VSTM2L: variants seen among roughly 807,000 people sequenced by gnomAD.
VSTM2L encodes V-set and transmembrane domain containing 2 like, also known as V-set and transmembrane domain-containing protein 2-like protein.
VSTM2L carries 9 observed loss-of-function variants against 19.9 expected under a neutral mutation model. The ratio of observed to expected loss-of-function variants is 0.45; its 90% CI spans 0.27 to 0.79. The LOEUF is 0.79. Among genes scored for constraint, VSTM2L ranks in the 30% least tolerant of loss-of-function variants. VSTM2L has a pLI of 0.15. For missense variants in VSTM2L, 286 were observed against 295.5 expected (o/e 0.97, Z 0.24); for synonymous variants, 127 against 133.8 (o/e 0.95, Z 0.35).
intron 1 of VSTM2L, among the ~76,000 whole-genome samples, chr20:37,921,714 A>G (rs1468325638): frequency 6.6e-6 from 1 of 151,396 alleles, no homozygotes; most frequent in Admixed American, 6.6e-5. Flanking sequence ...GGGAGAAGGG[A>G]GGGCCTCACT....
intron 1 of VSTM2L, among the ~76,000 whole-genome samples, chr20:37,925,519 CCGGGGCAGCTTGGGGTGGAGGT>C (rs2072874845): frequency 1.3e-5 from 2 of 152,156 alleles, no homozygotes; most frequent in Admixed American, 6.5e-5. Context: ...GCTTCTCCCT[CCGGGGCAGCTTGGGGTGGAGGT>C]CGGGACAGGC....
intron 3 of VSTM2L, among the ~76,000 whole-genome samples, chr20:37,935,213 C>T (rs996855560): frequency 6.6e-6 from 1 of 152,192 alleles, no homozygotes; most frequent in Non-Finnish European, 1.5e-5. Context: ...CATGAATGTG[C>T]AATTACCCCC....
In VSTM2L at chr20:37,934,345, G is replaced by A. The variant is rs140638163; in HGVS notation, c.342+756G>A. On this transcript the variant is annotated intron_variant, in intron 3 of 3. Coordinates refer to ENST00000373461, the MANE Select transcript of VSTM2L (RefSeq NM_080607.3). The stretch of plus-strand genomic sequence containing the variant: ...AGGAGGTGAACTGGGGAGAGAACAT[G>A]GAGTGGAGGGGACCTGCCCAGGGAC... Among the ~76,000 whole-genome samples the A allele has an allele frequency of 7.8e-4, 119 of 152,332 alleles. 2 individuals are homozygous for A. In the East Asian group the frequency reaches 0.019, roughly 25 times the overall value.
At position 37,924,368 on chromosome 20, in the gene VSTM2L, C is replaced by T. The variant is rs148906451; in HGVS notation, c.122-7267C>T. Among the ~76,000 whole-genome samples the T allele has an allele frequency of 9.7e-4, 148 of 152,168 alleles. 1 individual carries two copies. Among genetic ancestry groups the T allele is most frequent in the African/African-American group, 3.4e-3 (143 of 41,538 alleles). ...AGGAGTTTGAGACCAGCCTGGCCAA[C>T]ATGGTGAAACTCCATCTCTACTAAA... is the stretch of plus-strand genomic sequence containing the variant. On this transcript the variant is annotated intron_variant, in intron 1 of 3. Coordinates refer to ENST00000373461, the MANE Select transcript of VSTM2L (RefSeq NM_080607.3).
intron 1 of VSTM2L, among the ~76,000 whole-genome samples, chr20:37,929,382 G>T (rs2072896217): frequency 6.6e-6 from 1 of 152,186 alleles, no homozygotes; most frequent in Non-Finnish European, 1.5e-5. Context: ...GGCCCTGTCA[G>T]CCATCTGGAG....
At chr20:37,936,639 G>C (rs886371457) in intron 3 of VSTM2L, among the ~76,000 whole-genome samples, 1 of 152,188 alleles carries the variant, frequency 6.6e-6, no homozygotes, top group African/African-American at 2.4e-5. Context: ...GACTCTAAGA[G>C]TCGGCTGTGC....
chr20:37,903,326 G>A lies in VSTM2L; in HGVS notation c.-25G>A, dbSNP rs574594514. On this transcript the variant is annotated 5_prime_UTR_variant, in exon 1 of 4. Coordinates refer to ENST00000373461, the MANE Select transcript of VSTM2L (RefSeq NM_080607.3). Reference sequence around the variant, plus strand: ...CTCCGGGGCCCAGATGTGAGGCGGCGGCGCCCCCGGCCCGAGAGCGCACGA... The same window carrying A: ...CTCCGGGGCCCAGATGTGAGGCGGCAGCGCCCCCGGCCCGAGAGCGCACGA... 4 of 1,419,528 alleles carry A rather than the reference G, an allele frequency of 2.8e-6. No homozygotes were observed. The African/African-American group carries it at 6.0e-5, about 21-fold the overall frequency. The allele number at this position is 1,419,528 out of a possible 1,614,324, so 87.9% of individuals were successfully genotyped here. A position where few individuals can be genotyped will look rare whatever the true frequency, so the allele number is the denominator to read the frequency against.
At position 37,945,000 on chromosome 20, in the gene VSTM2L, T is replaced by C; in HGVS notation, c.*747T>C. ...ACCAGCAGGACCCCTTTGAGGGCCT[T>C]CAAGGCTCTCCCAGGAGTCCCCCTC... On this transcript the variant is annotated 3_prime_UTR_variant, in exon 4 of 4. Coordinates refer to ENST00000373461, the MANE Select transcript of VSTM2L (RefSeq NM_080607.3). The C allele has an allele frequency of 3.0e-6, 3 of 985,746 alleles. No individual in the cohort carries two copies. Among genetic ancestry groups the C allele is most frequent in the Non-Finnish European group, 3.6e-6 (3 of 829,958 alleles). The allele number at this position is 985,746 out of a possible 1,614,324, so 61.1% of individuals were successfully genotyped here.
Position 37,944,546 on chromosome 20 carries a change from C to A in VSTM2L, c.*293C>A. 5 of 1,183,990 alleles carry A rather than the reference C, an allele frequency of 4.2e-6. No individual in the cohort carries two copies. Among genetic ancestry groups the A allele is most frequent in the African/African-American group, 1.6e-5 (1 of 63,516 alleles). The allele number at this position is 1,183,990 out of a possible 1,614,324, so 73.3% of individuals were successfully genotyped here. A position where few individuals can be genotyped will look rare whatever the true frequency, so the allele number is the denominator to read the frequency against. ...ACCATGCTGGGGCCCGGGGCCACCCCCTTCCTGTCACCAGCTTCTGTGGAG... is the reference window on the plus strand; with the variant it reads ...ACCATGCTGGGGCCCGGGGCCACCCACTTCCTGTCACCAGCTTCTGTGGAG... On this transcript the variant is annotated 3_prime_UTR_variant, in exon 4 of 4. Transcript: ENST00000373461.
intron 1 of VSTM2L, among the ~76,000 whole-genome samples, chr20:37,912,968 C>A (rs912867181): frequency 3.3e-5 from 5 of 152,158 alleles, no homozygotes; most frequent in Non-Finnish European, 7.3e-5. Context: ...GATCCATCTT[C>A]CCCTCTCTTC....
intron 2 of VSTM2L, among the ~76,000 whole-genome samples, chr20:37,932,240 A>G (rs999302413): frequency 3.9e-5 from 6 of 152,144 alleles, no homozygotes; most frequent in Non-Finnish European, 7.4e-5. Context: ...GCACACACGC[A>G]TACGTGCACC....
At chr20:37,931,546 G>A in intron 1 of VSTM2L, 89 bp from the exon 2 acceptor site, 1 of 1,464,428 alleles carries the variant, frequency 6.8e-7, no homozygotes, top group Non-Finnish European at 9.3e-7. Flanking sequence ...GCCGTGCAGG[G>A]CCAGCTGTTC....
Position 37,931,730 on chromosome 20 carries a change from T to G in VSTM2L, c.217T>G (p.Ser73Ala). Residue 73 changes from serine to alanine, a missense_variant, in exon 2 of 4, where the codon TCG becomes GCG. Transcript: ENST00000373461. Reference sequence around the variant, plus strand: ...CCGCGGCAGCGGCTCCCCCTCCTACTCGCTGGAGATCCAGTGGTGGTATGT... The same window carrying G: ...CCGCGGCAGCGGCTCCCCCTCCTACGCGCTGGAGATCCAGTGGTGGTATGT... Reference protein sequence around the residue: ...SFRGSGSPSYSLEIQWWYVRS... With the variant: ...SFRGSGSPSYALEIQWWYVRS... The G allele has an allele frequency of 6.2e-7, 1 of 1,613,794 alleles. No homozygotes were observed. The highest frequency in any genetic ancestry group is 8.5e-7 in the Non-Finnish European group (1 of 1,180,002).
chr20:37,918,878 C>T (rs764147359), intron 1 of VSTM2L, among the ~76,000 whole-genome samples: 6 of 152,210 alleles, frequency 3.9e-5, no homozygotes, highest in Non-Finnish European at 7.3e-5. Flanking sequence ...GAACCTGCAC[C>T]TCCTTCCATA....
In VSTM2L at chr20:37,910,213, T is replaced by C. The variant is rs142619039; in HGVS notation, c.121+6742T>C. The stretch of plus-strand genomic sequence containing the variant: ...CATCAAAACTGTGATTTCACACATA[T>C]GATTGCTTAGGATGAGACTAATGGG... On this transcript the variant is annotated intron_variant, in intron 1 of 3. Transcript: ENST00000373461. 9.8e-5 allele frequency among the ~76,000 whole-genome samples: 15 copies of C among 152,354 alleles called. No individual in the cohort carries two copies. In the East Asian group the frequency reaches 2.9e-3, roughly 29 times the overall value.
chr20:37,943,946 G>T, intron 3 of VSTM2L, 35 bp from the exon 4 acceptor site: 1 of 1,286,652 alleles, frequency 7.8e-7, no homozygotes, highest in Middle Eastern at 2.1e-4. Flanking sequence ...CACTGTCACT[G>T]GATGGACAGG....
chr20:37,913,836 G>A (rs542889677), intron 1 of VSTM2L, among the ~76,000 whole-genome samples: 4 of 152,368 alleles, frequency 2.6e-5, no homozygotes, highest in Admixed American at 2.6e-4. Context: ...CGGCTCTGGA[G>A]TTTGGTCTTA....
At position 37,944,735 on chromosome 20, in the gene VSTM2L, C is replaced by T; in HGVS notation, c.*482C>T. Reference sequence around the variant, plus strand: ...CTTCTGAGCAGAACTAGGGCCTCTCCCCTGGTGAAGACCCAGGGAACCCAG... The same window carrying T: ...CTTCTGAGCAGAACTAGGGCCTCTCTCCTGGTGAAGACCCAGGGAACCCAG... On this transcript the variant is annotated 3_prime_UTR_variant, in exon 4 of 4. Transcript: ENST00000373461. The T allele has an allele frequency of 1.0e-6, 1 of 987,298 alleles. No individual in the cohort carries two copies. The highest frequency in any genetic ancestry group is 1.2e-6 in the Non-Finnish European group (1 of 831,198). 61.2% of individuals were successfully genotyped at this position (987,298 alleles called of 1,614,324 possible).
At chr20:37,939,981 G>A (rs1568843931) in intron 3 of VSTM2L, among the ~76,000 whole-genome samples, 2 of 152,142 alleles carry the variant, frequency 1.3e-5, no homozygotes, top group African/African-American at 4.8e-5. Context: ...GGCTGCCTGG[G>A]GAGCCGTCCA....
Sources: allele counts gnomAD v4.1 joint callset (sites outside exome capture counted in the v4.1 genomes callset), GRCh38; gene constraint gnomAD v4.1.1; transcripts MANE v1.5; gene names NCBI Gene and HGNC (gene_info 2026-07-23, HGNC 2026-07-21).